CNTN4: variants seen among roughly 807,000 people sequenced by gnomAD.
The protein encoded by CNTN4 is contactin 4.
In CNTN4, 77 loss-of-function variants were observed where a neutral mutation model predicts 122.5. That is an observed-to-expected ratio of 0.63 (90% CI 0.52 to 0.76). The LOEUF (loss-of-function observed/expected upper bound fraction) is 0.76, where lower values mean the gene tolerates loss of function less well. Ranked by LOEUF, CNTN4 falls within the 30% of genes least tolerant of loss-of-function variation. CNTN4 has a pLI of 0.00. For missense variants in CNTN4, 1,256 were observed against 1,259.1 expected, an observed-to-expected ratio of 1.00 and a Z score of 0.04; for synonymous variants, 512 against 447.0, an observed-to-expected ratio of 1.15 and a Z score of -1.83.
chr3:2,800,475 G>A (rs887250923), intron 6 of CNTN4, among the ~76,000 whole-genome samples: 2 of 152,094 alleles, frequency 1.3e-5, no homozygotes, highest in African/African-American at 4.8e-5. Flanking sequence ...TCTGGTAATT[G>A]TCCACATCTT....
chr3:2,794,875 A>C (rs2092122438), intron 6 of CNTN4, among the ~76,000 whole-genome samples: 2 of 152,162 alleles, frequency 1.3e-5, no homozygotes, highest in African/African-American at 4.8e-5. Context: ...TGGAAGGGGC[A>C]AGGGAGCTCT....
At chr3:2,966,083 C>G (rs933934513) in intron 13 of CNTN4, among the ~76,000 whole-genome samples, 3 of 151,924 alleles carry the variant, frequency 2.0e-5, no homozygotes, top group Admixed American at 6.6e-5. Flanking sequence ...TGAGACACTA[C>G]CATAGGTAGT....
chr3:2,872,253 A>C (rs1233103176), intron 8 of CNTN4, among the ~76,000 whole-genome samples: 1 of 152,176 alleles, frequency 6.6e-6, no homozygotes, highest in Admixed American at 6.6e-5. Flanking sequence ...AGCCACTTAC[A>C]TGGCTCTCTC....
At chr3:2,997,456 A>G (rs1695636880) in intron 14 of CNTN4, among the ~76,000 whole-genome samples, 1 of 152,248 alleles carries the variant, frequency 6.6e-6, no homozygotes, top group African/African-American at 2.4e-5. Context: ...ACGTGTCAGA[A>G]TAATTCATGA....
At chr3:2,158,840 T>G (rs1323483742) in intron 2 of CNTN4, among the ~76,000 whole-genome samples, 3 of 152,196 alleles carry the variant, frequency 2.0e-5, no homozygotes, top group African/African-American at 7.2e-5. Flanking sequence ...TTTTTTGTTT[T>G]GTTTGTTTTG....
chr3:2,645,994 A>C (rs1190527295), intron 4 of CNTN4, among the ~76,000 whole-genome samples: 5 of 152,176 alleles, frequency 3.3e-5, no homozygotes, highest in Admixed American at 3.3e-4. Flanking sequence ...ACTGTAGACA[A>C]ATATTATTCT....
intron 3 of CNTN4, among the ~76,000 whole-genome samples, chr3:2,348,859 A>G (rs1372614562): frequency 6.6e-6 from 1 of 152,186 alleles, no homozygotes; most frequent in African/African-American, 2.4e-5. Flanking sequence ...TTTGATATTA[A>G]TCAATTGTGT....
chr3:2,389,891 T>G (rs2046382686), intron 3 of CNTN4, among the ~76,000 whole-genome samples: 1 of 152,196 alleles, frequency 6.6e-6, no homozygotes, highest in Non-Finnish European at 1.5e-5. Context: ...ACAAAATAAT[T>G]GTCCTGTAAT....
chr3:2,970,511 A>T (rs1692796624), intron 13 of CNTN4, among the ~76,000 whole-genome samples: 1 of 151,968 alleles, frequency 6.6e-6, no homozygotes, highest in South Asian at 2.1e-4. Flanking sequence ...CAGTGGCTTG[A>T]TTCCAGCTCA....
chr3:2,651,710 T>G (rs1378426673), intron 4 of CNTN4, among the ~76,000 whole-genome samples: 1 of 149,028 alleles, frequency 6.7e-6, no homozygotes, highest in African/African-American at 2.4e-5. Context: ...TTTTTTTTCT[T>G]TTTTTTTTTT....
At chr3:2,976,240 T>G (rs1182185678) in intron 13 of CNTN4, among the ~76,000 whole-genome samples, 2 of 151,948 alleles carry the variant, frequency 1.3e-5, no homozygotes, top group Non-Finnish European at 2.9e-5. Context: ...AGGCAGAGAG[T>G]TATTGCCAGG....
At chr3:2,493,998 T>G (rs1170557212) in intron 3 of CNTN4, among the ~76,000 whole-genome samples, 1 of 152,076 alleles carries the variant, frequency 6.6e-6, no homozygotes, top group Non-Finnish European at 1.5e-5. Context: ...ACTATAGAAC[T>G]GTTATACCAG....
chr3:2,142,144 C>T (rs2035025050), intron 2 of CNTN4, among the ~76,000 whole-genome samples: 1 of 152,190 alleles, frequency 6.6e-6, no homozygotes, highest in Non-Finnish European at 1.5e-5. Flanking sequence ...ATTGGTCATA[C>T]AGCCAAAGAA....
chr3:2,225,739 A>G (rs1299727289), intron 2 of CNTN4, among the ~76,000 whole-genome samples: 1 of 151,970 alleles, frequency 6.6e-6, no homozygotes, highest in Non-Finnish European at 1.5e-5. Context: ...ACCATTCCCC[A>G]TTTGGGGTGC....
intron 4 of CNTN4, among the ~76,000 whole-genome samples, chr3:2,669,378 T>C (rs138393999): frequency 0.01 from 1,598 of 152,372 alleles, 30 homozygotes; most frequent in African/African-American, 0.037. Context: ...TGCATTTGCA[T>C]AGAGGTGTTT....
rs574844192 is a variant in CNTN4 at position 2,920,172 on chromosome 3, A to C, written c.1208-5457A>C. On this transcript the variant is annotated intron_variant, in intron 12 of 24. Coordinates refer to ENST00000418658, the MANE Select transcript of CNTN4 (RefSeq NM_175607.3). ...AAAGGAACAAAAACTCCAAAAGGTCACATACTGTATGATTACACACCACAC... is the reference window on the plus strand; with the variant it reads ...AAAGGAACAAAAACTCCAAAAGGTCCCATACTGTATGATTACACACCACAC... 2.0e-5 allele frequency among the ~76,000 whole-genome samples: 3 copies of C among 151,570 alleles called. No individual in the cohort carries two copies. In the South Asian group the frequency reaches 6.3e-4, roughly 32 times the overall value.
At chr3:2,297,732 T>C (rs1199369614) in intron 2 of CNTN4, among the ~76,000 whole-genome samples, 4 of 152,254 alleles carry the variant, frequency 2.6e-5, no homozygotes, top group Middle Eastern at 3.4e-3. Flanking sequence ...TTGTTTTGTT[T>C]TCTTTTGTTT....
intron 2 of CNTN4, chr3:2,238,924 A>G (rs1392071670): frequency 7.9e-6 from 1 of 126,916 alleles, no homozygotes; most frequent in Middle Eastern, 4.1e-3. Context: ...ACGGGGTTTC[A>G]CCGTGTTAGC....
At chr3:2,270,456 G>T (rs893299770) in intron 2 of CNTN4, among the ~76,000 whole-genome samples, 2 of 150,824 alleles carry the variant, frequency 1.3e-5, no homozygotes, top group Non-Finnish European at 3.0e-5. Flanking sequence ...GGCACAGAGG[G>T]TATATATATA....
Sources: allele counts gnomAD v4.1 joint callset (sites outside exome capture counted in the v4.1 genomes callset), GRCh38; gene constraint gnomAD v4.1.1; transcripts MANE v1.5; gene names NCBI Gene and HGNC (gene_info 2026-07-23, HGNC 2026-07-21).